Variants in EVI5 observed in about 807,000 individuals in gnomAD.
The protein encoded by EVI5 is ecotropic viral integration site 5, also known as ecotropic viral integration site 5 protein homolog.
Under a neutral mutation model 112.0 loss-of-function variants are expected in EVI5, and 73 were observed. The ratio of observed to expected loss-of-function variants is 0.65; its 90% CI spans 0.54 to 0.79. The LOEUF (loss-of-function observed/expected upper bound fraction) is 0.79. EVI5 is among the 30% of genes least tolerant of loss of function. The probability of loss-of-function intolerance (pLI) is 0.00; values close to 1 mark genes in which losing one functional copy is unlikely to be tolerated. For synonymous variants in EVI5, 305 were observed against 319.9 expected (o/e 0.95, Z 0.50); for missense variants, 900 against 968.8 (o/e 0.93, Z 0.94).
At chr1:92,741,850 A>T (rs1678465923) in intron 1 of EVI5, among the ~76,000 whole-genome samples, 1 of 152,208 alleles carries the variant, frequency 6.6e-6, no homozygotes, top group Non-Finnish European at 1.5e-5. Flanking sequence ...CCTAAATAAT[A>T]GAACTAAAAC....
intron 2 of EVI5, among the ~76,000 whole-genome samples, chr1:92,720,214 C>T (rs575390432): frequency 1.3e-5 from 2 of 152,156 alleles, no homozygotes; most frequent in African/African-American, 4.8e-5. Context: ...GCCCACATTG[C>T]CGAAACAATC....
At chr1:92,612,339 AT>A (rs1365045605) in intron 16 of EVI5, among the ~76,000 whole-genome samples, 2 of 152,238 alleles carry the variant, frequency 1.3e-5, no homozygotes, top group African/African-American at 4.8e-5. Flanking sequence ...ACAATCACAA[AT>A]ACATCATAAT....
In EVI5 at chr1:92,703,475, T is replaced by A. The variant is rs779647149; in HGVS notation, c.484A>T (p.Ile162Phe). ...SPCEKLIRRDIARTYPEHNFF... is the reference protein window; with the variant it reads ...SPCEKLIRRDFARTYPEHNFF... ...TTGTGTTCAGGGTAAGTTCTAGCAATGTCCCTTCGGATCAATTTTTCACAA... is the reference window on the plus strand; with the variant it reads ...TTGTGTTCAGGGTAAGTTCTAGCAAAGTCCCTTCGGATCAATTTTTCACAA... Residue 162 changes from isoleucine (I) to phenylalanine (F), a missense_variant, in exon 4 of 20, where the codon ATT becomes TTT. Ile to Phe is a conservative substitution (Grantham distance 21, BLOSUM62 0). Transcript: ENST00000684568. 2 of 1,600,198 alleles carry A rather than the reference T, an allele frequency of 1.2e-6. No individual in the cohort carries two copies. Among genetic ancestry groups the A allele is most frequent in the Non-Finnish European group, 1.7e-6 (2 of 1,176,750 alleles).
At chr1:92,717,832 AT>A (rs1674018146) in intron 2 of EVI5, among the ~76,000 whole-genome samples, 1 of 152,162 alleles carries the variant, frequency 6.6e-6, no homozygotes, top group Non-Finnish European at 1.5e-5. Context: ...TAGGCTCAAA[AT>A]AAAGGGATGG....
intron 19 of EVI5, among the ~76,000 whole-genome samples, chr1:92,520,291 G>C (rs575363461): frequency 6.6e-5 from 10 of 151,916 alleles, no homozygotes; most frequent in Non-Finnish European, 1.5e-4. Context: ...AATTTCCCAG[G>C]CCTGTCTTCA....
intron 1 of EVI5, among the ~76,000 whole-genome samples, chr1:92,770,626 T>G (rs1683258636): frequency 6.6e-6 from 1 of 151,720 alleles, no homozygotes; most frequent in Non-Finnish European, 1.5e-5. Flanking sequence ...CTGATTCTAC[T>G]AAAAATACCA....
chr1:92,711,523 A>G (rs1452552831), intron 2 of EVI5, among the ~76,000 whole-genome samples: 1 of 152,142 alleles, frequency 6.6e-6, no homozygotes, highest in Non-Finnish European at 1.5e-5. Context: ...ACTGGCACTT[A>G]CAAGTGCAGT....
chr1:92,634,830 A>G (rs997402536), intron 14 of EVI5, among the ~76,000 whole-genome samples: 6 of 152,066 alleles, frequency 3.9e-5, no homozygotes, highest in Admixed American at 3.9e-4. Flanking sequence ...TTGGTCTTCA[A>G]TGGTGGTGAC....
Position 92,513,820 on chromosome 1 carries a change from A to G in EVI5, c.2317T>C (p.Phe773Leu). The G allele has an allele frequency of 6.2e-7, 1 of 1,613,842 alleles. No individual in the cohort carries two copies. The highest frequency in any genetic ancestry group is 8.5e-7 in the Non-Finnish European group (1 of 1,179,938). The stretch of plus-strand genomic sequence containing the variant: ...GAACCAGATTTTCCGTGCAAAGGAA[A>G]ACCAACACCAGTTTCCTGTAAGGAA... Reference protein sequence around the residue: ...DNSLQETGVGFPLHGKSGSMS... With the variant: ...DNSLQETGVGLPLHGKSGSMS... The change falls in exon 20 of 20, where the codon TTT becomes CTT. Residue 773 changes from phenylalanine (F) to leucine (L), a missense_variant. Coordinates refer to ENST00000684568, the MANE Select transcript of EVI5 (RefSeq NM_001350197.2).
chr1:92,682,241 G>C (rs1667709294), intron 9 of EVI5, among the ~76,000 whole-genome samples: 1 of 151,996 alleles, frequency 6.6e-6, no homozygotes, highest in East Asian at 1.9e-4. Flanking sequence ...CTTCCCTCTG[G>C]TGTCGGCTCA....
chr1:92,791,872 C>A (rs1686126556), intron 1 of EVI5, among the ~76,000 whole-genome samples: 1 of 152,158 alleles, frequency 6.6e-6, no homozygotes, highest in South Asian at 2.1e-4. Flanking sequence ...CTTCTGAAAT[C>A]ATTGAGAGGC....
intron 13 of EVI5, among the ~76,000 whole-genome samples, chr1:92,649,241 G>C (rs1661613472): frequency 6.6e-6 from 1 of 152,178 alleles, no homozygotes; most frequent in South Asian, 2.1e-4. Context: ...TTGTTGAGTT[G>C]TAAGAGTTCA....
intron 19 of EVI5, among the ~76,000 whole-genome samples, chr1:92,553,408 T>G (rs1427017682): frequency 6.7e-6 from 1 of 150,070 alleles, no homozygotes; most frequent in African/African-American, 2.5e-5. Context: ...GTTCAAGCGA[T>G]TCTCCTGCCT....
At chr1:92,612,243 AGT>A (rs1651996474) in intron 16 of EVI5, among the ~76,000 whole-genome samples, 1 of 152,164 alleles carries the variant, frequency 6.6e-6, no homozygotes. Context: ...GTACAGAGAA[AGT>A]GAAAGAAAAA....
At chr1:92,553,531 G>C (rs1320658850) in intron 19 of EVI5, among the ~76,000 whole-genome samples, 2 of 151,908 alleles carry the variant, frequency 1.3e-5, no homozygotes, top group Admixed American at 1.3e-4. Flanking sequence ...TCGAACTCCT[G>C]ATCTTGTGAT....
chr1:92,551,020 T>TTTC (rs1203872732), intron 19 of EVI5, among the ~76,000 whole-genome samples: 1 of 116,550 alleles, frequency 8.6e-6, no homozygotes, highest in Non-Finnish European at 1.7e-5. Flanking sequence ...TAATTTCTTT[T>TTTC]TTCTTTTCTT....
At position 92,733,062 on chromosome 1, in the gene EVI5, A is replaced by G. The variant is rs1001141382; in HGVS notation, c.149+3336T>C. 4.3e-5 allele frequency: 9 copies of G among 208,654 alleles called. 1 individual carries two copies. The highest frequency in any genetic ancestry group is 2.1e-4 in the African/African-American group (9 of 42,848). 12.9% of individuals were successfully genotyped at this position (208,654 alleles called of 1,614,324 possible). On this transcript the variant is annotated intron_variant, in intron 2 of 19. Coordinates refer to ENST00000684568, the MANE Select transcript of EVI5 (RefSeq NM_001350197.2). ...ACCTCGTCTCCATTTTATTTAAAAA[A>G]AAAAAAGAAAAAAAAAATTAACAGC...
chr1:92,740,623 T>G (rs143693556), intron 1 of EVI5, among the ~76,000 whole-genome samples: 1 of 152,204 alleles, frequency 6.6e-6, no homozygotes, highest in African/African-American at 2.4e-5. Flanking sequence ...GGCTCACTTT[T>G]ACTATGTCAG....
chr1:92,554,546 G>A (rs533426221), intron 19 of EVI5, among the ~76,000 whole-genome samples: 2 of 152,104 alleles, frequency 1.3e-5, no homozygotes, highest in Non-Finnish European at 2.9e-5. Context: ...TAGCGCTATT[G>A]TTCCAAATAT....
Sources: allele counts gnomAD v4.1 joint callset (sites outside exome capture counted in the v4.1 genomes callset), GRCh38; gene constraint gnomAD v4.1.1; transcripts MANE v1.5; gene names NCBI Gene and HGNC (gene_info 2026-07-23, HGNC 2026-07-21).